ENOX2: variants seen among roughly 807,000 people sequenced by gnomAD.
ENOX2 encodes the protein ecto-NOX disulfide-thiol exchanger 2, also known as APK1 antigen.
ENOX2 carries 36 observed loss-of-function variants against 45.0 expected under a neutral mutation model. The observed-to-expected ratio is 0.80, with a 90% CI of 0.61 to 1.06. The LOEUF (loss-of-function observed/expected upper bound fraction) is 1.06. ENOX2 is among the 50% of genes least tolerant of loss of function. ENOX2 has a pLI of 0.00. For synonymous variants in ENOX2, 174 were observed against 152.3 expected (o/e 1.14, Z -1.05); for missense variants, 423 against 462.5 (o/e 0.91, Z 0.78).
intron 3 of ENOX2, among the ~76,000 whole-genome samples, chrX:130,767,741 T>C (rs1165883047): frequency 8.9e-6 from 1 of 112,344 alleles, no homozygotes; most frequent in Admixed American, 9.4e-5. Context: ...GAAGTCGCCA[T>C]GTTGGAGCTT....
At chrX:130,728,466 T>C (rs1314365369) in intron 3 of ENOX2, among the ~76,000 whole-genome samples, 3 of 111,513 alleles carry the variant, frequency 2.7e-5, no homozygotes, top group African/African-American at 9.8e-5. Flanking sequence ...TGTGCCCTTG[T>C]CCTGCAAGAT....
chrX:130,779,828 G>T (rs2039932388), intron 3 of ENOX2, among the ~76,000 whole-genome samples: 1 of 111,175 alleles, frequency 9.0e-6, no homozygotes, highest in African/African-American at 3.3e-5. Flanking sequence ...AAAAGCTAAG[G>T]CATATATATA....
intron 13 of ENOX2, among the ~76,000 whole-genome samples, chrX:130,628,749 C>T (rs1409600456): frequency 1.8e-5 from 2 of 112,293 alleles, no homozygotes; most frequent in African/African-American, 3.2e-5. Context: ...AGGAATGCCC[C>T]TGATTTCCAC....
chrX:130,853,085 T>G (rs1366512074), intron 2 of ENOX2, among the ~76,000 whole-genome samples: 1 of 109,838 alleles, frequency 9.1e-6, no homozygotes, highest in Non-Finnish European at 1.9e-5. Context: ...GTGAATTCCC[T>G]GGGTATTTTT....
chrX:130,742,275 G>C (rs1312567833), intron 3 of ENOX2, among the ~76,000 whole-genome samples: 2 of 8,537 alleles, frequency 2.3e-4, no homozygotes, highest in African/African-American at 1.1e-3. Context: ...TTTTTTTTTT[G>C]TGAAAGGGCT....
intron 10 of ENOX2, among the ~76,000 whole-genome samples, chrX:130,656,116 T>C (rs1201249890): frequency 8.9e-6 from 1 of 112,083 alleles, no homozygotes; most frequent in Non-Finnish European, 1.9e-5. Flanking sequence ...TTGTCTGGAA[T>C]GGTTTGCCTA....
chrX:130,689,274 G>C (rs1254179784), intron 4 of ENOX2, among the ~76,000 whole-genome samples: 3 of 111,583 alleles, frequency 2.7e-5, no homozygotes. Flanking sequence ...TCTTTCATAG[G>C]ATGGCCATGC....
At chrX:130,663,497 C>T (rs1472508723) in intron 9 of ENOX2, among the ~76,000 whole-genome samples, 1 of 102,713 alleles carries the variant, frequency 9.7e-6, no homozygotes, top group African/African-American at 3.6e-5. Flanking sequence ...CGCCACTGCA[C>T]TCCAGCCTGG....
At chrX:130,772,198 G>A (rs146481033) in intron 3 of ENOX2, among the ~76,000 whole-genome samples, 1 of 112,276 alleles carries the variant, frequency 8.9e-6, no homozygotes, top group Admixed American at 9.4e-5. Context: ...AAGGATGACA[G>A]TCTTAACTGA....
chrX:130,902,126 C>A (rs958973128), intron 1 of ENOX2, among the ~76,000 whole-genome samples: 1 of 111,492 alleles, frequency 9.0e-6, no homozygotes, highest in Non-Finnish European at 1.9e-5. Flanking sequence ...GAACTCACCA[C>A]CCCCATCAGT....
At chrX:130,887,721 G>A (rs911349351) in intron 2 of ENOX2, among the ~76,000 whole-genome samples, 2 of 111,552 alleles carry the variant, frequency 1.8e-5, no homozygotes, top group African/African-American at 3.3e-5. Flanking sequence ...GAATTCGTTC[G>A]GGATTTCATA....
In ENOX2 at chrX:130,828,837, C is replaced by T. The variant is rs758354735; in HGVS notation, c.-182-45147G>A. The stretch of plus-strand genomic sequence containing the variant: ...CGTCCTGGGATCAGTAGAATTAAGC[C>T]GTGAATGGCGTCTTTGTCTAGAAGT... On this transcript the variant is annotated intron_variant, in intron 2 of 14. Transcript: ENST00000394363. Among the ~76,000 whole-genome samples, 3 of 111,409 alleles carry T rather than the reference C, an allele frequency of 2.7e-5. No individual in the cohort carries two copies. In the Admixed American group the frequency reaches 2.9e-4, roughly 11 times the overall value.
chrX:130,696,774 G>A (rs2148203713), intron 4 of ENOX2, among the ~76,000 whole-genome samples: 1 of 110,733 alleles, frequency 9.0e-6, no homozygotes, highest in Non-Finnish European at 1.9e-5. Flanking sequence ...CATTATTAAG[G>A]GCCATTAAAA....
chrX:130,641,718 CAAAAAAAAAAA>C (rs753792308), intron 10 of ENOX2, among the ~76,000 whole-genome samples: 1 of 34,717 alleles, frequency 2.9e-5, no homozygotes, highest in Non-Finnish European at 5.1e-5. Flanking sequence ...ACTCCATCTC[CAAAAAAAAAAA>C]AAAAAAAAAA....
chrX:130,702,511 G>T (rs143526212), intron 4 of ENOX2, among the ~76,000 whole-genome samples: 37 of 112,034 alleles, frequency 3.3e-4, no homozygotes, highest in Middle Eastern at 9.2e-3. Context: ...TAATTAATTA[G>T]CTCTCACTGT....
At chrX:130,709,195 A>G (rs773558457) in intron 3 of ENOX2, 5 of 1,090,885 alleles carry the variant, frequency 4.6e-6, no homozygotes, top group Non-Finnish European at 6.4e-6. Context: ...GTGTTTTTAA[A>G]TAAGAGAACT....
chrX:130,643,186 A>C (rs1215328556), intron 10 of ENOX2, among the ~76,000 whole-genome samples: 2 of 111,789 alleles, frequency 1.8e-5, no homozygotes, highest in Non-Finnish European at 3.8e-5. Flanking sequence ...TGTGAAAAAA[A>C]GTATAAATGA....
At chrX:130,900,490 G>GC (rs1382196070) in intron 2 of ENOX2, among the ~76,000 whole-genome samples, 1 of 111,983 alleles carries the variant, frequency 8.9e-6, no homozygotes, top group Admixed American at 9.4e-5. Context: ...TTGCAAATCA[G>GC]CCCCAACCTC....
chrX:130,845,652 A>G (rs1037016116), intron 2 of ENOX2, among the ~76,000 whole-genome samples: 2 of 111,622 alleles, frequency 1.8e-5, no homozygotes, highest in Non-Finnish European at 3.8e-5. Context: ...TTTAGTAGAG[A>G]CAGGGTTTCT....
Sources: gnomAD v4.1 joint callset for allele counts (sites outside exome capture counted in the v4.1 genomes callset) on GRCh38, gnomAD v4.1.1 for gene constraint, MANE v1.5 for transcripts, NCBI Gene and HGNC (gene_info 2026-07-23, HGNC 2026-07-21) for gene names.